Variants in NRG3 observed in about 807,000 individuals in gnomAD.
NRG3 encodes the protein neuregulin 3, also known as pro-neuregulin-3, membrane-bound isoform.
In NRG3, 31 loss-of-function variants were observed where a neutral mutation model predicts 66.9. The observed-to-expected ratio is 0.46, with a 90% CI of 0.35 to 0.63. The LOEUF (loss-of-function observed/expected upper bound fraction) is 0.63. Ranked by LOEUF, NRG3 falls within the 20% of genes least tolerant of loss-of-function variation. The pLI, the probability that NRG3 is intolerant of heterozygous loss-of-function variation, is 0.00. For synonymous variants in NRG3, 393 were observed against 359.4 expected (o/e 1.09, Z -1.06); for missense variants, 910 against 878.9 (o/e 1.04, Z -0.45).
At chr10:82,359,903 A>C (rs1235875362) in intron 2 of NRG3, among the ~76,000 whole-genome samples, 4 of 152,200 alleles carry the variant, frequency 2.6e-5, no homozygotes, top group African/African-American at 9.7e-5. Context: ...CCATGCCAGC[A>C]GAAGCTGCCT....
chr10:82,001,332 A>G (rs939982660), intron 1 of NRG3, among the ~76,000 whole-genome samples: 2 of 151,982 alleles, frequency 1.3e-5, no homozygotes, highest in African/African-American at 2.4e-5. Flanking sequence ...GTGAAATTCC[A>G]TCTCTACTGA....
intron 4 of NRG3, among the ~76,000 whole-genome samples, chr10:82,908,143 T>A (rs1844937899): frequency 6.6e-6 from 1 of 152,176 alleles, no homozygotes; most frequent in Non-Finnish European, 1.5e-5. Flanking sequence ...TGTATTGTGG[T>A]GGAAAACCAA....
chr10:82,718,897 A>C (rs1294157418), intron 2 of NRG3, among the ~76,000 whole-genome samples: 1 of 152,178 alleles, frequency 6.6e-6, no homozygotes, highest in African/African-American at 2.4e-5. Flanking sequence ...TTGTAGTGCA[A>C]ATTTTTTTAG....
Position 82,339,252 on chromosome 10 carries a change from C to T in NRG3, c.824-19487C>T, listed in dbSNP as rs934140567. Among the ~76,000 whole-genome samples the T allele has an allele frequency of 2.0e-5, 3 of 152,060 alleles. No homozygotes were observed. The East Asian group carries it at 5.8e-4, about 29-fold the overall frequency. The stretch of plus-strand genomic sequence containing the variant: ...ATTCTTGATTTCCTGTATTTTTAGT[C>T]AGTAACTGTATTAGTCTGTTCTCAC... On this transcript the variant is annotated intron_variant, in intron 1 of 8. Transcript: ENST00000372141.
At chr10:81,994,870 T>C (rs1019712342) in intron 1 of NRG3, among the ~76,000 whole-genome samples, 2 of 152,158 alleles carry the variant, frequency 1.3e-5, no homozygotes, top group African/African-American at 4.8e-5. Flanking sequence ...TTTTGTTTCT[T>C]CATAAATCTA....
chr10:81,964,308 A>G (rs1807110041), intron 1 of NRG3, among the ~76,000 whole-genome samples: 1 of 150,670 alleles, frequency 6.6e-6, no homozygotes, highest in Non-Finnish European at 1.5e-5. Flanking sequence ...TAGAAGGAGA[A>G]TCACTTGAAC....
intron 3 of NRG3, among the ~76,000 whole-genome samples, chr10:82,849,656 G>A (rs1283500182): frequency 6.6e-6 from 1 of 152,198 alleles, no homozygotes; most frequent in African/African-American, 2.4e-5. Flanking sequence ...CTTTGTAAAT[G>A]TCTGAAAGAA....
chr10:81,875,918 T>C lies in NRG3; in HGVS notation c.578T>C (p.Val193Ala). The change falls in exon 1 of 9, where the codon GTC becomes GCC. Residue 193 changes from valine to alanine, a missense_variant. Physicochemically the swap from Val to Ala is moderately conservative, Grantham distance 64 (BLOSUM62 0). Transcript: ENST00000372141. This position sits in a 1 kb window ranked among gnomAD's most constrained non-coding sequence, Gnocchi z 5.3. Reference protein sequence around the residue: ...TARNTAAPATVPSTTAPFFSS... With the variant: ...TARNTAAPATAPSTTAPFFSS... ...CGGAACACTGCGGCCCCTGCGACGG[T>C]CCCGTCCACCACGGCCCCGTTCTTC... 6.2e-7 allele frequency: 1 copy of C among 1,613,260 alleles called. No individual in the cohort carries two copies. Among genetic ancestry groups the C allele is most frequent in the Non-Finnish European group, 8.5e-7 (1 of 1,179,980 alleles).
chr10:82,174,001 A>G (rs921288195), intron 1 of NRG3, among the ~76,000 whole-genome samples: 1 of 152,108 alleles, frequency 6.6e-6, no homozygotes, highest in African/African-American at 2.4e-5. Flanking sequence ...TTTAATTCCT[A>G]CAATTCAGGT....
chr10:82,962,963 C>T (rs1213147821), intron 6 of NRG3, among the ~76,000 whole-genome samples: 1 of 152,204 alleles, frequency 6.6e-6, no homozygotes, highest in African/African-American at 2.4e-5. Flanking sequence ...GCCCACACTT[C>T]TCTGTGTTGG....
intron 1 of NRG3, among the ~76,000 whole-genome samples, chr10:82,084,202 A>G (rs1294438859): frequency 6.6e-6 from 1 of 150,724 alleles, no homozygotes; most frequent in African/African-American, 2.4e-5. Context: ...CACTCCATCC[A>G]GGGTGACAGA....
intron 1 of NRG3, among the ~76,000 whole-genome samples, chr10:82,057,009 C>T (rs1040713560): frequency 2.0e-4 from 31 of 151,968 alleles, no homozygotes; most frequent in African/African-American, 7.3e-4. Flanking sequence ...TGGAAAATTC[C>T]CATGAATTTT....
intron 1 of NRG3, among the ~76,000 whole-genome samples, chr10:82,272,198 C>G (rs1022047063): frequency 4.0e-5 from 6 of 151,898 alleles, no homozygotes; most frequent in African/African-American, 1.5e-4. Flanking sequence ...GAATTGATAC[C>G]TGCATGATGA....
intron 2 of NRG3, among the ~76,000 whole-genome samples, chr10:82,600,336 T>G (rs551445036): frequency 1.3e-5 from 2 of 152,202 alleles, no homozygotes; most frequent in African/African-American, 4.8e-5. Flanking sequence ...TGAAAAAAAA[T>G]GTAATAATTA....
At chr10:82,024,788 G>C (rs2062223875) in intron 1 of NRG3, among the ~76,000 whole-genome samples, 1 of 152,104 alleles carries the variant, frequency 6.6e-6, no homozygotes, top group Non-Finnish European at 1.5e-5. Flanking sequence ...ATTAAATTCA[G>C]TGATTCAACT....
chr10:82,103,869 G>T (rs542446937), intron 1 of NRG3, among the ~76,000 whole-genome samples: 1 of 151,910 alleles, frequency 6.6e-6, no homozygotes, highest in South Asian at 2.1e-4. Flanking sequence ...AAAGAAGAGG[G>T]AAAAGAAACA....
chr10:82,511,305 G>T (rs906879769), intron 2 of NRG3, among the ~76,000 whole-genome samples: 2 of 152,190 alleles, frequency 1.3e-5, no homozygotes, highest in African/African-American at 2.4e-5. Flanking sequence ...CTGATGTGCT[G>T]TGTCCCCAAT....
chr10:82,749,992 CAT>C (rs1283591860), intron 3 of NRG3, among the ~76,000 whole-genome samples: 3 of 152,214 alleles, frequency 2.0e-5, no homozygotes, highest in Admixed American at 1.3e-4. Flanking sequence ...AATAACATCA[CAT>C]GTGTCACTAG....
At chr10:82,408,919 A>G (rs1474358819) in intron 2 of NRG3, among the ~76,000 whole-genome samples, 1 of 152,128 alleles carries the variant, frequency 6.6e-6, no homozygotes, top group African/African-American at 2.4e-5. Flanking sequence ...AAACTTTTCC[A>G]CATGTGGAAT....
Sources: allele counts gnomAD v4.1 joint callset (sites outside exome capture counted in the v4.1 genomes callset), GRCh38; gene constraint gnomAD v4.1.1; non-coding constraint Gnocchi (gnomAD v3.1); transcripts MANE v1.5; gene names NCBI Gene and HGNC (gene_info 2026-07-23, HGNC 2026-07-21).